Variants in KIAA2012 observed in about 807,000 individuals in gnomAD.
The protein encoded by KIAA2012 is uncharacterized protein KIAA2012.
KIAA2012 carries 125 observed loss-of-function variants against 150.6 expected under a neutral mutation model. The ratio of observed to expected loss-of-function variants is 0.83; its 90% CI spans 0.72 to 0.96. KIAA2012 has a LOEUF of 0.96. Ranked by LOEUF, KIAA2012 falls within the 40% of genes least tolerant of loss-of-function variation. The pLI is 0.00. For missense variants in KIAA2012, 1,219 were observed against 1,354.9 expected (o/e 0.90, Z 1.57); for synonymous variants, 462 against 504.7 (o/e 0.92, Z 1.13).
At chr2:202,112,834 A>G (rs376815425) in intron 10 of KIAA2012, among the ~76,000 whole-genome samples, 4 of 152,236 alleles carry the variant, frequency 2.6e-5, no homozygotes, top group East Asian at 1.9e-4. Flanking sequence ...CTAGGGAGAC[A>G]CAGCATCCTT....
At chr2:202,136,802 G>C (rs1691075079) in intron 12 of KIAA2012, 1 of 152,334 alleles carries the variant, frequency 6.6e-6, no homozygotes, top group African/African-American at 2.4e-5. Context: ...GCGGGCTGAA[G>C]GGCTCCTCCA....
intron 15 of KIAA2012, among the ~76,000 whole-genome samples, chr2:202,174,753 T>C (rs539189975): frequency 1.1e-3 from 172 of 152,378 alleles, no homozygotes; most frequent in Non-Finnish European, 2.1e-3. Flanking sequence ...TATCATTTTA[T>C]TCATATATAC....
rs149195030 is a variant in KIAA2012, at chr2:202,182,657, C to A, written c.2120-2096C>A. Among the ~76,000 whole-genome samples the A allele has an allele frequency of 4.4e-3, 672 of 152,228 alleles. 7 individuals carry two copies. Among genetic ancestry groups the A allele is most frequent in the African/African-American group, 0.015 (640 of 41,540 alleles). On this transcript the variant is annotated intron_variant, in intron 15 of 23. Transcript: ENST00000498697. ...TTTGTATGGATTTATGCTTTCATTTCTTTCATTTATCTTGGGTAAAATACC... is the reference window on the plus strand; with the variant it reads ...TTTGTATGGATTTATGCTTTCATTTATTTCATTTATCTTGGGTAAAATACC...
chr2:202,075,301 ATCTC>A, intron 2 of KIAA2012, 126 bp downstream of exon 2: 1 of 1,078,598 alleles, frequency 9.3e-7, no homozygotes, highest in Non-Finnish European at 1.3e-6. Flanking sequence ...CTATTTCTTC[ATCTC>A]TAAAATGAGA....
chr2:202,102,059 G>A (rs1167356992), intron 7 of KIAA2012, among the ~76,000 whole-genome samples: 1 of 152,018 alleles, frequency 6.6e-6, no homozygotes, highest in Non-Finnish European at 1.5e-5. Flanking sequence ...ACATTTCACA[G>A]AGCCAAGTTC....
rs1275737617 is a variant in KIAA2012 at position 202,073,603 on chromosome 2, T to G, written c.-25T>G. The G allele has an allele frequency of 6.5e-7, 1 of 1,548,552 alleles. No homozygotes were observed. The highest frequency in any genetic ancestry group is 8.7e-7 in the Non-Finnish European group (1 of 1,145,854). ...CTTCAAAACCAAGATGGACTGCCCTTGAGAAGGGGTGGTCAGAGGGAAACA... is the reference window on the plus strand; with the variant it reads ...CTTCAAAACCAAGATGGACTGCCCTGGAGAAGGGGTGGTCAGAGGGAAACA... On this transcript the variant is annotated 5_prime_UTR_variant, in exon 1 of 24. The change abolishes the stop of an existing upstream ORF in the 5' untranslated region. Transcript: ENST00000498697.
intron 16 of KIAA2012, among the ~76,000 whole-genome samples, chr2:202,186,511 C>A (rs78341340): frequency 1.7e-4 from 25 of 144,006 alleles, no homozygotes; most frequent in African/African-American, 1.5e-4. Context: ...GACTCCGTCT[C>A]AAAAAAAAAA....
At chr2:202,111,340 C>CAAA (rs67625607) in intron 10 of KIAA2012, among the ~76,000 whole-genome samples, 13 of 83,812 alleles carry the variant, frequency 1.6e-4, no homozygotes, top group African/African-American at 4.2e-4. Flanking sequence ...ACTAAAAATA[C>CAAA]AAAAAAAAAA....
At position 202,186,557 on chromosome 2, in the gene KIAA2012, G is replaced by A. The variant is rs576174426; in HGVS notation, c.2211-376G>A. ...ATTCAGAGGGCATAAAGGAATGAAT[G>A]GATAGTTACATGTTCCTAACACAAT... On this transcript the variant is annotated intron_variant, in intron 16 of 23. Transcript: ENST00000498697. 2.8e-4 allele frequency among the ~76,000 whole-genome samples: 43 copies of A among 152,156 alleles called. 1 individual carries two copies. The highest frequency in any genetic ancestry group is 1.0e-3 in the African/African-American group (43 of 41,538).
chr2:202,201,687 C>T, intron 22 of KIAA2012: 1 of 1,607,468 alleles, frequency 6.2e-7, no homozygotes, highest in Non-Finnish European at 8.5e-7. Context: ...CAGAGAGGCT[C>T]CAGGAAAGCG....
intron 2 of KIAA2012, among the ~76,000 whole-genome samples, chr2:202,089,672 G>T (rs535320161): frequency 1.3e-4 from 20 of 152,168 alleles, no homozygotes; most frequent in Non-Finnish European, 2.8e-4. Context: ...GAGCATCCAA[G>T]AATATATGCT....
chr2:202,195,349 C>A (rs888736185), intron 21 of KIAA2012, among the ~76,000 whole-genome samples: 3 of 151,896 alleles, frequency 2.0e-5, no homozygotes, highest in African/African-American at 7.2e-5. Context: ...AGAACCCCGT[C>A]TCTACTAAAA....
At chr2:202,074,811 C>T (rs1055636436) in intron 1 of KIAA2012, 80 bp from the exon 2 acceptor site, 66 of 1,399,468 alleles carry the variant, frequency 4.7e-5, no homozygotes, top group Non-Finnish European at 5.8e-5. Flanking sequence ...AAAAAAATGC[C>T]GAAGGCTTTG....
At chr2:202,088,695 A>G (rs1184549717) in intron 2 of KIAA2012, among the ~76,000 whole-genome samples, 1 of 152,210 alleles carries the variant, frequency 6.6e-6, no homozygotes, top group Admixed American at 6.5e-5. Context: ...GTATTATGTC[A>G]GTATTGTGGG....
chr2:202,151,839 G>T lies in KIAA2012; in HGVS notation c.1909-2834G>T, dbSNP rs560664824. On this transcript the variant is annotated intron_variant, in intron 13 of 23. Transcript: ENST00000498697. ...TGCAGTGGCATGATCATAGCTCACTGCAGCCTCAAACTCTTGGGCTCAAGG... is the reference window on the plus strand; with the variant it reads ...TGCAGTGGCATGATCATAGCTCACTTCAGCCTCAAACTCTTGGGCTCAAGG... Among the ~76,000 whole-genome samples the T allele has an allele frequency of 2.2e-4, 33 of 152,182 alleles. 1 individual carries two copies. The highest frequency in any genetic ancestry group is 1.9e-3 in the East Asian group (10 of 5,176).
intron 7 of KIAA2012, among the ~76,000 whole-genome samples, chr2:202,101,457 C>T (rs1428441586): frequency 2.6e-5 from 4 of 152,210 alleles, no homozygotes; most frequent in African/African-American, 4.8e-5. Flanking sequence ...GGAAAGCCCT[C>T]GACTTTGCTC....
At chr2:202,128,003 C>T (rs1690837711) in intron 12 of KIAA2012, among the ~76,000 whole-genome samples, 1 of 152,116 alleles carries the variant, frequency 6.6e-6, no homozygotes, top group Non-Finnish European at 1.5e-5. Context: ...ATTCTACTTT[C>T]TGTTATCCCC....
At chr2:202,170,178 A>T (rs938765056) in intron 15 of KIAA2012, among the ~76,000 whole-genome samples, 1 of 152,236 alleles carries the variant, frequency 6.6e-6, no homozygotes, top group Non-Finnish European at 1.5e-5. Flanking sequence ...GCCCTGGCTC[A>T]GTGCAGCAAC....
chr2:202,110,301 C>CT (rs1690313059), intron 10 of KIAA2012, among the ~76,000 whole-genome samples: 3 of 152,150 alleles, frequency 2.0e-5, no homozygotes, highest in African/African-American at 7.2e-5. Context: ...ACTTCAAGTA[C>CT]TTATCCTTAA....
Sources: gnomAD v4.1 joint callset for allele counts (sites outside exome capture counted in the v4.1 genomes callset) on GRCh38, gnomAD v4.1.1 for gene constraint, MANE v1.5 for transcripts, NCBI Gene and HGNC (gene_info 2026-07-23, HGNC 2026-07-21) for gene names.